The following PRKDC variants were observed in gnomAD, a reference collection of about 807,000 sequenced individuals.
The protein encoded by PRKDC is protein kinase, DNA-activated, catalytic subunit, also known as DNA-dependent protein kinase catalytic subunit.
Under a neutral mutation model 486.9 loss-of-function variants are expected in PRKDC, and 82 were observed. The observed-to-expected ratio is 0.17, with a 90% CI of 0.14 to 0.20. The LOEUF is 0.20. Ranked by LOEUF, PRKDC falls within the 10% of genes least tolerant of loss-of-function variation. The pLI, the probability that PRKDC is intolerant of heterozygous loss-of-function variation, is 1.00. For synonymous variants in PRKDC, 1,895 were observed against 1,837.0 expected, an observed-to-expected ratio of 1.03 and a Z score of -0.81; for missense variants, 4,504 against 5,038.2, an observed-to-expected ratio of 0.89 and a Z score of 3.21.
chr8:47,795,739 C>A (rs1047961920), intron 73 of PRKDC, among the ~76,000 whole-genome samples: 1 of 151,978 alleles, frequency 6.6e-6, no homozygotes, highest in South Asian at 2.1e-4. Flanking sequence ...GTGATCCACC[C>A]GCTTCGGCCT....
rs543399679 is a variant in PRKDC, at chr8:47,940,866, G to A, written c.967-1169C>T. Among the ~76,000 whole-genome samples, 6 of 152,216 alleles carry A rather than the reference G, an allele frequency of 3.9e-5. No individual in the cohort carries two copies. The East Asian group carries it at 5.8e-4, about 15-fold the overall frequency. ...AAAATTAATCACACAGATGTTGGCC[G>A]GGCGCAGTAGCTCACGCCTGTCATC... On this transcript the variant is annotated intron_variant, in intron 10 of 85. Coordinates refer to ENST00000314191, the MANE Select transcript of PRKDC (RefSeq NM_006904.7).
chr8:47,838,977 C>G (rs1563761119), intron 56 of PRKDC, among the ~76,000 whole-genome samples, 171 bp downstream of exon 56: 1 of 152,196 alleles, frequency 6.6e-6, no homozygotes. Flanking sequence ...TAAAGCCTTA[C>G]TCTTCATAAT....
At chr8:47,897,410 T>C (rs969516285) in intron 29 of PRKDC, 116 bp from the exon 30 acceptor site, 1 of 1,036,504 alleles carries the variant, frequency 9.6e-7, no homozygotes, top group Middle Eastern at 2.2e-4. Flanking sequence ...GAAATCTCAC[T>C]AAAAGGCATT....
At chr8:47,861,968 G>A (rs1025002075) in intron 44 of PRKDC, 94 bp downstream of exon 44, 3 of 1,017,954 alleles carry the variant, frequency 2.9e-6, no homozygotes, top group African/African-American at 1.6e-5. Context: ...GTTGAAAGCC[G>A]ACTTGAATAT....
chr8:47,953,308 A>G (rs1273511005), intron 7 of PRKDC, among the ~76,000 whole-genome samples: 1 of 152,112 alleles, frequency 6.6e-6, no homozygotes. Flanking sequence ...TTCTGTCTCA[A>G]AAAAAATAAA....
chr8:47,880,978 C>T (rs867912992), intron 38 of PRKDC, among the ~76,000 whole-genome samples: 9 of 146,522 alleles, frequency 6.1e-5, no homozygotes, highest in African/African-American at 2.0e-4. Flanking sequence ...ACCCAAGAGG[C>T]GGAGGTTGCA....
intron 49 of PRKDC, among the ~76,000 whole-genome samples, chr8:47,855,648 C>T (rs935981995): frequency 2.6e-5 from 4 of 152,238 alleles, no homozygotes; most frequent in Admixed American, 1.3e-4. Context: ...CCTGGAGCCT[C>T]CATGCCTAGG....
chr8:47,890,159 G>T, intron 32 of PRKDC, 98 bp downstream of exon 32: 1 of 491,580 alleles, frequency 2.0e-6, no homozygotes, highest in Non-Finnish European at 3.2e-6. Context: ...TAATAATAAT[G>T]ATAAATTTTT....
chr8:47,778,869 TTTTG>T (rs1308170094), intron 81 of PRKDC, 70 bp from the exon 82 acceptor site: 1 of 1,509,852 alleles, frequency 6.6e-7, no homozygotes, highest in African/African-American at 1.4e-5. Flanking sequence ...TTTTAAAACT[TTTTG>T]TTTATATTGA....
intron 25 of PRKDC, among the ~76,000 whole-genome samples, chr8:47,909,715 TA>T (rs2089860825): frequency 6.6e-6 from 1 of 152,194 alleles, no homozygotes; most frequent in Admixed American, 6.5e-5. Flanking sequence ...AATGCATTCC[TA>T]GGGGTAGGTC....
At chr8:47,834,463 C>T in intron 58 of PRKDC, 67 bp from the exon 59 acceptor site, 1 of 1,528,332 alleles carries the variant, frequency 6.5e-7, no homozygotes, top group African/African-American at 1.4e-5. Flanking sequence ...GGCAGGACCA[C>T]CTGCCAGGAC....
At chr8:47,927,008 C>T in intron 21 of PRKDC, 186 bp downstream of exon 21, 2 of 616,276 alleles carry the variant, frequency 3.2e-6, no homozygotes, top group East Asian at 3.1e-5. Context: ...TTTTTAATAC[C>T]TCAACTATAT....
chr8:47,876,491 G>A (rs1256359700), intron 40 of PRKDC, among the ~76,000 whole-genome samples: 6 of 151,834 alleles, frequency 4.0e-5, no homozygotes, highest in Admixed American at 1.3e-4. Context: ...GTGAGACCCC[G>A]TCTCTACTAA....
chr8:47,942,041 G>A (rs950098006), intron 10 of PRKDC, among the ~76,000 whole-genome samples: 2 of 152,168 alleles, frequency 1.3e-5, no homozygotes, highest in Admixed American at 6.5e-5. Context: ...GGCAGGCATC[G>A]CTAGGGAACA....
Position 47,955,891 on chromosome 8 carries a change from G to A in PRKDC, c.382C>T (p.Leu128=), listed in dbSNP as rs2090692745. Residue 128 remains leucine, a synonymous_variant, in exon 4 of 86, where the codon CTG becomes TTG. Coordinates refer to ENST00000314191, the MANE Select transcript of PRKDC (RefSeq NM_006904.7). The part of the protein sequence containing the change: ...DRAAKCKIPA[L]DLLIKLLQTF... ...ATAATTACCTTAATAAGAAGGTCCA[G>A]GGCTGGAATTTTACATTTAGCAGCT... 2 of 1,601,810 alleles carry A rather than the reference G, an allele frequency of 1.2e-6. No individual in the cohort carries two copies. Among genetic ancestry groups the A allele is most frequent in the South Asian group, 1.1e-5 (1 of 89,990 alleles).
At chr8:47,814,701 T>C (rs778438703) in intron 68 of PRKDC, among the ~76,000 whole-genome samples, 3 of 152,164 alleles carry the variant, frequency 2.0e-5, no homozygotes, top group African/African-American at 4.8e-5. Flanking sequence ...AGATATGCCA[T>C]ATTAATGAAC....
At chr8:47,926,205 A>C (rs1461037728) in intron 21 of PRKDC, among the ~76,000 whole-genome samples, 1 of 152,206 alleles carries the variant, frequency 6.6e-6, no homozygotes, top group Non-Finnish European at 1.5e-5. Context: ...CCTTATATAA[A>C]TGTGAATTTT....
At chr8:47,901,023 G>A (rs1468205672) in intron 27 of PRKDC, among the ~76,000 whole-genome samples, 1 of 151,020 alleles carries the variant, frequency 6.6e-6, no homozygotes, top group African/African-American at 2.4e-5. Flanking sequence ...GTGCAGTGGT[G>A]CACACCTGTG....
At chr8:47,888,950 C>T (rs1423684595) in intron 33 of PRKDC, 64 bp downstream of exon 33, 31 of 1,497,472 alleles carry the variant, frequency 2.1e-5, no homozygotes, top group Non-Finnish European at 2.6e-5. Flanking sequence ...TGCAGGAGCA[C>T]GGCAACATAC....
Sources: gnomAD v4.1 joint callset for allele counts (sites outside exome capture counted in the v4.1 genomes callset) on GRCh38, gnomAD v4.1.1 for gene constraint, MANE v1.5 for transcripts, NCBI Gene and HGNC (gene_info 2026-07-23, HGNC 2026-07-21) for gene names.